RIN3: variants seen among roughly 807,000 people sequenced by gnomAD.
The protein encoded by RIN3 is Ras and Rab interactor 3.
A neutral mutation model predicts 76.3 loss-of-function variants in RIN3; 54 were observed. The observed-to-expected ratio is 0.71, with a 90% CI of 0.57 to 0.89. RIN3 has a LOEUF of 0.89. Among genes scored for constraint, RIN3 ranks in the 40% least tolerant of loss-of-function variants. The pLI is 0.00. For synonymous variants in RIN3, 576 were observed against 564.0 expected, an observed-to-expected ratio of 1.02 and a Z score of -0.30; for missense variants, 1,256 against 1,322.1, an observed-to-expected ratio of 0.95 and a Z score of 0.78.
At chr14:92,581,441 G>A in intron 3 of RIN3, among the ~76,000 whole-genome samples, 1 of 152,186 alleles carries the variant, frequency 6.6e-6, no homozygotes, top group Non-Finnish European at 1.5e-5. Context: ...GAGGTTGGAG[G>A]TTATGATGAG....
At position 92,623,528 on chromosome 14, in the gene RIN3, C is replaced by T. The variant is rs1886253929; in HGVS notation, c.440+8049C>T. On this transcript the variant is annotated intron_variant, in intron 4 of 9. Transcript: ENST00000216487. The surrounding 1 kb of genome is among the most constrained non-coding windows in gnomAD (Gnocchi z 4.9). Reference sequence around the variant, plus strand: ...TCGGGCTTTGAATCTATCAGGTACCCCCTGTGGGACTCCAATTTCATCTAC... The same window carrying T: ...TCGGGCTTTGAATCTATCAGGTACCTCCTGTGGGACTCCAATTTCATCTAC... Among the ~76,000 whole-genome samples the T allele has an allele frequency of 6.6e-6, 1 of 152,130 alleles. No individual in the cohort carries two copies. Among genetic ancestry groups the T allele is most frequent in the African/African-American group, 2.4e-5 (1 of 41,422 alleles).
rs1888964798 is a variant in RIN3, at chr14:92,688,453, G to GA, written c.*202dup. 5.2e-6 allele frequency: 3 copies of GA among 577,944 alleles called. No homozygotes were observed. In the South Asian group the frequency reaches 6.7e-5, roughly 13 times the overall value. The allele number at this position is 577,944 out of a possible 1,614,324, so 35.8% of individuals were successfully genotyped here. A position where few individuals can be genotyped will look rare whatever the true frequency, so the allele number is the denominator to read the frequency against. On this transcript the variant is annotated 3_prime_UTR_variant, in exon 10 of 10. Coordinates refer to ENST00000216487, the MANE Select transcript of RIN3 (RefSeq NM_024832.5). ...CCTGAGGGCAAGTCCTAATAGCCCT[G>GA]AGACACCGAGACGGCATGTTCTTCA...
chr14:92,554,236 C>T (rs1177333581), intron 1 of RIN3, among the ~76,000 whole-genome samples: 1 of 152,172 alleles, frequency 6.6e-6, no homozygotes, highest in Non-Finnish European at 1.5e-5. Flanking sequence ...GATGTTGTTC[C>T]TCCTTTTCTG....
intron 2 of RIN3, among the ~76,000 whole-genome samples, chr14:92,575,874 G>A (rs1414921656): frequency 6.6e-6 from 1 of 151,542 alleles, no homozygotes; most frequent in Non-Finnish European, 1.5e-5. Flanking sequence ...GCAGCCCAGC[G>A]GGGTCTCAGC....
chr14:92,549,421 C>T (rs1195811166), intron 1 of RIN3, among the ~76,000 whole-genome samples: 1 of 152,208 alleles, frequency 6.6e-6, no homozygotes, highest in Non-Finnish European at 1.5e-5. Context: ...GAAACTTCTG[C>T]GCCTTCCCCC....
intron 7 of RIN3, among the ~76,000 whole-genome samples, chr14:92,675,634 C>G (rs76707865): frequency 9.2e-5 from 14 of 152,340 alleles, no homozygotes; most frequent in African/African-American, 3.4e-4. Flanking sequence ...CTTCATTTCT[C>G]CAGTGCACTT....
In RIN3 at chr14:92,656,614, G is replaced by C. The variant is rs1053039319; in HGVS notation, c.2027-2547G>C. ...TCAAGAGGTGCTAGACTTGGAGTTT[G>C]TCCTGGCAGGTGATATGGCAAAGTG... On this transcript the variant is annotated intron_variant, in intron 6 of 9. Transcript: ENST00000216487. The surrounding 1 kb of genome is among the most constrained non-coding windows in gnomAD (Gnocchi z 5.2). Among the ~76,000 whole-genome samples, 1 of 152,234 alleles carries C rather than the reference G, an allele frequency of 6.6e-6. No individual in the cohort carries two copies. The highest frequency in any genetic ancestry group is 1.5e-5 in the Non-Finnish European group (1 of 68,038).
At chr14:92,576,153 C>A in intron 2 of RIN3, 1 of 1,144,312 alleles carries the variant, frequency 8.7e-7, no homozygotes, top group Non-Finnish European at 1.1e-6. Flanking sequence ...GAAGCTGTGC[C>A]ACAGGAGGCT....
chr14:92,553,881 C>A (rs1203929439), intron 1 of RIN3, among the ~76,000 whole-genome samples: 3 of 152,160 alleles, frequency 2.0e-5, no homozygotes, highest in African/African-American at 7.2e-5. Flanking sequence ...CCCTGAGAAC[C>A]CCCAGGACCC....
At chr14:92,665,623 C>T (rs1408634988) in intron 7 of RIN3, among the ~76,000 whole-genome samples, 5 of 151,922 alleles carry the variant, frequency 3.3e-5, no homozygotes, top group African/African-American at 7.3e-5. Context: ...CCTCATGATC[C>T]ACCCACCTCG....
rs570769233 is a variant in RIN3, at chr14:92,649,387, C to T, written c.533-2195C>T. Among the ~76,000 whole-genome samples the T allele has an allele frequency of 3.6e-3, 548 of 152,264 alleles. 4 individuals are homozygous for T. Among genetic ancestry groups the T allele is most frequent in the African/African-American group, 0.013 (523 of 41,532 alleles). On this transcript the variant is annotated intron_variant, in intron 5 of 9. Transcript: ENST00000216487. ...GCTAGGAAAACTCCCAAGGAGGCAA[C>T]TTTGTTGGGCCTGTGTAGACATGGG... is the stretch of plus-strand genomic sequence containing the variant.
At chr14:92,558,116 C>A (rs925566857) in intron 2 of RIN3, among the ~76,000 whole-genome samples, 6 of 152,146 alleles carry the variant, frequency 3.9e-5, no homozygotes, top group African/African-American at 1.4e-4. Flanking sequence ...TGGGAGGCCA[C>A]GGCAGGGGGA....
intron 1 of RIN3, among the ~76,000 whole-genome samples, chr14:92,548,545 T>C (rs571986009): frequency 1.5e-4 from 23 of 152,322 alleles, no homozygotes; most frequent in Middle Eastern, 6.8e-3. Flanking sequence ...AGGTTCCATC[T>C]GGAGGCTCTA....
chr14:92,673,154 C>G (rs1211051979), intron 7 of RIN3, among the ~76,000 whole-genome samples: 1 of 152,076 alleles, frequency 6.6e-6, no homozygotes, highest in Non-Finnish European at 1.5e-5. Context: ...TAGCCAGTCT[C>G]ATAACCCGGT....
chr14:92,638,969 G>A (rs984565464), intron 4 of RIN3, among the ~76,000 whole-genome samples: 3 of 152,244 alleles, frequency 2.0e-5, no homozygotes, highest in African/African-American at 7.2e-5. Flanking sequence ...GCACCTGGGA[G>A]GCCACAGAAG....
At chr14:92,550,526 C>T (rs1897395798) in intron 1 of RIN3, among the ~76,000 whole-genome samples, 1 of 152,174 alleles carries the variant, frequency 6.6e-6, no homozygotes, top group South Asian at 2.1e-4. Context: ...AATCCTCCTA[C>T]CTTAGCCTCC....
chr14:92,628,894 A>T (rs1034002239), intron 4 of RIN3, among the ~76,000 whole-genome samples: 2 of 152,022 alleles, frequency 1.3e-5, no homozygotes, highest in African/African-American at 4.8e-5. Flanking sequence ...CCAGCCAATT[A>T]TCCTCAACTT....
At position 92,653,388 on chromosome 14, in the gene RIN3, C is replaced by G. The variant is rs1397675967; in HGVS notation, c.2026+313C>G. Among the ~76,000 whole-genome samples, 4 of 152,234 alleles carry G rather than the reference C, an allele frequency of 2.6e-5. No homozygotes were observed. In the East Asian group the frequency reaches 7.7e-4, roughly 29 times the overall value. Reference sequence around the variant, plus strand: ...CAAAGACTGGCCCCTTCGCCTCAAGCAGGACCACTGTGTGGTGCAGTTTAT... The same window carrying G: ...CAAAGACTGGCCCCTTCGCCTCAAGGAGGACCACTGTGTGGTGCAGTTTAT... On this transcript the variant is annotated intron_variant, in intron 6 of 9. Coordinates refer to ENST00000216487, the MANE Select transcript of RIN3 (RefSeq NM_024832.5).
chr14:92,663,595 C>T (rs930720570), intron 7 of RIN3, among the ~76,000 whole-genome samples: 3 of 152,236 alleles, frequency 2.0e-5, no homozygotes, highest in Non-Finnish European at 2.9e-5. Context: ...TGGTTGAGCA[C>T]TGGACTGGGA....
Sources: gnomAD v4.1 joint callset for allele counts (sites outside exome capture counted in the v4.1 genomes callset) on GRCh38, gnomAD v4.1.1 for gene constraint, Gnocchi (gnomAD v3.1) non-coding constraint, MANE v1.5 for transcripts, NCBI Gene and HGNC (gene_info 2026-07-23, HGNC 2026-07-21) for gene names.